The following ACAD11 variants were observed in gnomAD, a reference collection of about 807,000 sequenced individuals.
ACAD11 encodes the protein acyl-CoA dehydrogenase family member 11, also known as acyl-Coenzyme A dehydrogenase family, member 11.
ACAD11 carries 83 observed loss-of-function variants against 102.2 expected under a neutral mutation model. That is an observed-to-expected ratio of 0.81 (90% CI 0.68 to 0.97). The LOEUF (loss-of-function observed/expected upper bound fraction) is 0.97, where lower values mean the gene tolerates loss of function less well. Ranked by LOEUF, ACAD11 falls within the 50% of genes least tolerant of loss-of-function variation. ACAD11 has a pLI of 0.00. For missense variants in ACAD11, 901 were observed against 951.7 expected (o/e 0.95, Z 0.70); for synonymous variants, 324 against 319.8 (o/e 1.01, Z -0.14).
intron 5 of ACAD11, among the ~76,000 whole-genome samples, chr3:132,634,610 T>C (rs1415098719): frequency 2.0e-5 from 3 of 152,136 alleles, no homozygotes; most frequent in African/African-American, 7.2e-5. Context: ...TGCACACGTA[T>C]GTTTATTGCG....
chr3:132,585,154 C>A (rs1455617103), intron 13 of ACAD11, among the ~76,000 whole-genome samples: 2 of 152,062 alleles, frequency 1.3e-5, no homozygotes, highest in African/African-American at 2.4e-5. Flanking sequence ...AGATATAGAC[C>A]AATGGAACAG....
chr3:132,626,497 G>GCTTAATTTTAATGCCACAGACTTAT (rs1161463576), intron 9 of ACAD11, among the ~76,000 whole-genome samples, 194 bp downstream of exon 9: 1 of 151,956 alleles, frequency 6.6e-6, no homozygotes, highest in Non-Finnish European at 1.5e-5. Context: ...ATTCTCTTTG[G>GCTTAATTTTAATGCCACAGACTTAT]CTTAATTTTA....
chr3:132,637,214 A>G (rs1374465980), intron 5 of ACAD11, among the ~76,000 whole-genome samples: 11 of 152,154 alleles, frequency 7.2e-5, no homozygotes, highest in Admixed American at 7.2e-4. Flanking sequence ...GATGATATAA[A>G]GTCAGGGTGG....
At chr3:132,655,108 GC>G (rs1381667125) in intron 1 of ACAD11, among the ~76,000 whole-genome samples, 2 of 152,116 alleles carry the variant, frequency 1.3e-5, no homozygotes. Flanking sequence ...CGTATATGCA[GC>G]CCGTCATTGA....
In ACAD11 at chr3:132,618,637, G is replaced by C. The variant is rs1233845732; in HGVS notation, c.1411C>G (p.Pro471Ala). 15 of 1,586,630 alleles carry C rather than the reference G, an allele frequency of 9.5e-6. No homozygotes were observed. The highest frequency in any genetic ancestry group is 1.3e-5 in the Non-Finnish European group (15 of 1,168,700). Residue 471 changes from proline to alanine, a missense_variant, in exon 11 of 20, where the codon CCA (proline) becomes GCA (alanine). Pro to Ala is a conservative substitution (Grantham distance 27, BLOSUM62 -1). Coordinates refer to ENST00000264990, the MANE Select transcript of ACAD11 (RefSeq NM_032169.5). ...TGTTTTCAATTAATGTAGTAACCTG[G>C]TGCTTGGCAGTTAAAGACATCTGGA... ...FAPDVFNCQAPDTGNMEVLHL... is the reference protein window; with the variant it reads ...FAPDVFNCQAADTGNMEVLHL...
At chr3:132,651,902 G>A (rs1223289458) in intron 1 of ACAD11, among the ~76,000 whole-genome samples, 1 of 152,166 alleles carries the variant, frequency 6.6e-6, no homozygotes, top group Non-Finnish European at 1.5e-5. Flanking sequence ...GATTTTACAG[G>A]CTCATAGGCA....
intron 13 of ACAD11, among the ~76,000 whole-genome samples, chr3:132,596,908 A>G (rs1057209041): frequency 1.3e-5 from 2 of 152,198 alleles, no homozygotes; most frequent in African/African-American, 4.8e-5. Context: ...TTAAAATCAT[A>G]TTTGCTTTCT....
chr3:132,583,607 G>C (rs933295083), intron 13 of ACAD11, among the ~76,000 whole-genome samples: 4 of 152,060 alleles, frequency 2.6e-5, no homozygotes, highest in Non-Finnish European at 5.9e-5. Flanking sequence ...GAATGTGTTT[G>C]CTCTTGCTTC....
intron 5 of ACAD11, among the ~76,000 whole-genome samples, chr3:132,635,310 TG>T (rs1358965427): frequency 2.6e-5 from 4 of 151,688 alleles, no homozygotes; most frequent in African/African-American, 9.7e-5. Flanking sequence ...CAATATACTA[TG>T]GGGGGTGGGC....
chr3:132,590,805 T>C (rs1938042863), intron 13 of ACAD11, among the ~76,000 whole-genome samples: 2 of 152,256 alleles, frequency 1.3e-5, no homozygotes, highest in South Asian at 4.1e-4. Context: ...ATATATATCT[T>C]CCTTTGAAAA....
In ACAD11 at chr3:132,638,416, T is replaced by C. The variant is rs144865241; in HGVS notation, c.702+1076A>G. Among the ~76,000 whole-genome samples the C allele has an allele frequency of 1.0e-3, 157 of 152,242 alleles. 2 individuals carry two copies. Among genetic ancestry groups the C allele is most frequent in the African/African-American group, 3.5e-3 (144 of 41,544 alleles). Reference sequence around the variant, plus strand: ...ATAAAAATAGAGGCACAGAGAGAGATTGAATAACATGCTTTAAGTTCACAC... The same window carrying C: ...ATAAAAATAGAGGCACAGAGAGAGACTGAATAACATGCTTTAAGTTCACAC... On this transcript the variant is annotated intron_variant, in intron 5 of 19. Coordinates refer to ENST00000264990, the MANE Select transcript of ACAD11 (RefSeq NM_032169.5).
At chr3:132,657,799 T>A (rs1337263556) in intron 1 of ACAD11, among the ~76,000 whole-genome samples, 1 of 152,126 alleles carries the variant, frequency 6.6e-6, no homozygotes, top group Non-Finnish European at 1.5e-5. Context: ...ATGAATCACT[T>A]AATTTATAAA....
intron 19 of ACAD11, 122 bp from the exon 20 acceptor site, chr3:132,559,207 G>T: frequency 1.3e-6 from 1 of 744,412 alleles, no homozygotes; most frequent in Non-Finnish European, 2.2e-6. Context: ...CCAAGGTCAG[G>T]GTAAGAAAAA....
At chr3:132,616,737 C>G (rs186840319) in intron 11 of ACAD11, among the ~76,000 whole-genome samples, 88 of 152,258 alleles carry the variant, frequency 5.8e-4, no homozygotes, top group African/African-American at 1.0e-3. Context: ...CAAAATCATG[C>G]TACCTTTGTA....
intron 12 of ACAD11, among the ~76,000 whole-genome samples, chr3:132,603,874 C>A (rs1938721518): frequency 6.6e-6 from 1 of 152,208 alleles, no homozygotes; most frequent in African/African-American, 2.4e-5. Context: ...CACTTCAGAA[C>A]TGTCTAGCTC....
At chr3:132,580,464 G>T (rs1193878838) in intron 13 of ACAD11, among the ~76,000 whole-genome samples, 1 of 151,954 alleles carries the variant, frequency 6.6e-6, no homozygotes, top group East Asian at 1.9e-4. Flanking sequence ...GAGAGATAGA[G>T]AAGTAGCTTG....
intron 13 of ACAD11, among the ~76,000 whole-genome samples, chr3:132,599,231 G>A (rs1474446499): frequency 6.6e-6 from 1 of 152,104 alleles, no homozygotes; most frequent in African/African-American, 2.4e-5. Flanking sequence ...AAATAGGCTG[G>A]GCTCGGTGGC....
intron 11 of ACAD11, among the ~76,000 whole-genome samples, chr3:132,608,177 A>G (rs1288542760): frequency 6.6e-6 from 1 of 152,222 alleles, no homozygotes; most frequent in African/African-American, 2.4e-5. Context: ...AACATACCAA[A>G]TTGTAAAGAC....
intron 5 of ACAD11, among the ~76,000 whole-genome samples, chr3:132,634,010 G>A (rs1051913673): frequency 1.3e-5 from 2 of 152,102 alleles, no homozygotes; most frequent in African/African-American, 4.8e-5. Flanking sequence ...AGGACTTCAT[G>A]TCTAAAACAC....
Sources: gnomAD v4.1 joint callset for allele counts (sites outside exome capture counted in the v4.1 genomes callset) on GRCh38, gnomAD v4.1.1 for gene constraint, MANE v1.5 for transcripts, NCBI Gene and HGNC (gene_info 2026-07-23, HGNC 2026-07-21) for gene names.